The following NLGN1 variants were observed in gnomAD, a reference collection of about 807,000 sequenced individuals.
NLGN1 encodes the protein neuroligin 1.
In NLGN1, 12 loss-of-function variants were observed where a neutral mutation model predicts 65.5. The ratio of observed to expected loss-of-function variants is 0.18; its 90% CI spans 0.12 to 0.30. The LOEUF (loss-of-function observed/expected upper bound fraction) is 0.30. Ranked by LOEUF, NLGN1 falls within the 10% of genes least tolerant of loss-of-function variation. The pLI is 1.00. For missense variants in NLGN1, 750 were observed against 1,007.1 expected, an observed-to-expected ratio of 0.74 and a Z score of 3.46; for synonymous variants, 350 against 359.5, an observed-to-expected ratio of 0.97 and a Z score of 0.30.
intron 4 of NLGN1, among the ~76,000 whole-genome samples, chr3:173,906,818 C>G (rs1738488690): frequency 6.8e-6 from 1 of 147,662 alleles, no homozygotes; most frequent in African/African-American, 2.5e-5. Context: ...CTATGATTAG[C>G]TACTGCACTC....
chr3:174,039,403 C>T (rs1731807743), intron 4 of NLGN1, among the ~76,000 whole-genome samples: 1 of 151,960 alleles, frequency 6.6e-6, no homozygotes, highest in Non-Finnish European at 1.5e-5. Context: ...AGGTGTTTGT[C>T]CTAATGCTCT....
At chr3:174,135,317 G>C (rs1721005281) in intron 4 of NLGN1, among the ~76,000 whole-genome samples, 1 of 152,132 alleles carries the variant, frequency 6.6e-6, no homozygotes, top group Admixed American at 6.6e-5. Flanking sequence ...TAGTTAGCTA[G>C]AACATACGAT....
intron 4 of NLGN1, among the ~76,000 whole-genome samples, chr3:174,091,826 G>T (rs1276950390): frequency 1.3e-5 from 2 of 152,090 alleles, no homozygotes; most frequent in Non-Finnish European, 2.9e-5. Flanking sequence ...TGGCTCCGCT[G>T]CCTCTTCCTG....
At chr3:173,839,507 C>A (rs974614899) in intron 4 of NLGN1, among the ~76,000 whole-genome samples, 1 of 151,804 alleles carries the variant, frequency 6.6e-6, no homozygotes, top group Non-Finnish European at 1.5e-5. Context: ...ACTGCAACCT[C>A]TGCCTCCCGG....
At chr3:174,267,246 C>A (rs980546103) in intron 4 of NLGN1, among the ~76,000 whole-genome samples, 1 of 152,186 alleles carries the variant, frequency 6.6e-6, no homozygotes, top group South Asian at 2.1e-4. Context: ...ACAGCAGCAT[C>A]TACTTCTGGT....
chr3:173,415,904 T>TATATATAG (rs1380777305), intron 1 of NLGN1, among the ~76,000 whole-genome samples: 39 of 125,452 alleles, frequency 3.1e-4, no homozygotes, highest in African/African-American at 1.2e-3. Context: ...TATATATATA[T>TATATATAG]AGAGAGAGAG....
intron 4 of NLGN1, among the ~76,000 whole-genome samples, chr3:174,207,200 T>G (rs1444319854): frequency 1.9e-5 from 1 of 52,234 alleles, no homozygotes. Context: ...AGCTCATTCA[T>G]GAAAAAAAAA....
At chr3:174,182,719 A>G (rs532947974) in intron 4 of NLGN1, among the ~76,000 whole-genome samples, 2 of 152,156 alleles carry the variant, frequency 1.3e-5, no homozygotes, top group South Asian at 2.1e-4. Flanking sequence ...AAATGATACA[A>G]TGGAAAACTC....
At chr3:173,567,468 A>C (rs1295307985) in intron 2 of NLGN1, among the ~76,000 whole-genome samples, 1 of 151,972 alleles carries the variant, frequency 6.6e-6, no homozygotes, top group Non-Finnish European at 1.5e-5. Flanking sequence ...ACACTCATTC[A>C]AAAAATAACG....
In NLGN1 at chr3:173,541,728, G is replaced by A. The variant is rs564145471; in HGVS notation, c.-320-62551G>A. On this transcript the variant is annotated intron_variant, in intron 2 of 6. Transcript: ENST00000457714. ...TTTACATAGAAATTATTTTTGTAGT[G>A]CATTACTTCAAAAGTTTTGTCTTAT... Among the ~76,000 whole-genome samples, 13 of 152,190 alleles carry A rather than the reference G, an allele frequency of 8.5e-5. No homozygotes were observed. In the South Asian group the frequency reaches 2.7e-3, roughly 32 times the overall value.
chr3:173,569,475 GC>G (rs1290310309), intron 2 of NLGN1, among the ~76,000 whole-genome samples: 8 of 151,530 alleles, frequency 5.3e-5, no homozygotes, highest in Non-Finnish European at 1.2e-4. Context: ...TTCGGAGAAG[GC>G]TATTTTTATT....
At chr3:173,459,843 C>T (rs1723081521) in intron 2 of NLGN1, among the ~76,000 whole-genome samples, 1 of 151,840 alleles carries the variant, frequency 6.6e-6, no homozygotes, top group Non-Finnish European at 1.5e-5. Context: ...GTATCAAATA[C>T]ATATTTTTAA....
chr3:174,013,506 C>G (rs777348113), intron 4 of NLGN1, among the ~76,000 whole-genome samples: 22 of 152,136 alleles, frequency 1.4e-4, no homozygotes, highest in Non-Finnish European at 3.1e-4. Flanking sequence ...TTGGAAGGAT[C>G]AAATTCAATA....
intron 4 of NLGN1, among the ~76,000 whole-genome samples, chr3:173,901,200 A>G (rs1000820424): frequency 6.6e-6 from 1 of 152,038 alleles, no homozygotes; most frequent in Non-Finnish European, 1.5e-5. Flanking sequence ...ATAATGCATT[A>G]GGAGTTCACA....
At chr3:174,059,427 G>A (rs766273695) in intron 4 of NLGN1, among the ~76,000 whole-genome samples, 1 of 152,072 alleles carries the variant, frequency 6.6e-6, no homozygotes, top group Non-Finnish European at 1.5e-5. Flanking sequence ...ATAAATGAAA[G>A]GTTTTGGGTG....
intron 4 of NLGN1, among the ~76,000 whole-genome samples, chr3:173,886,818 A>G (rs1028897353): frequency 6.6e-6 from 1 of 152,034 alleles, no homozygotes; most frequent in Non-Finnish European, 1.5e-5. Flanking sequence ...GCTGAAACCA[A>G]TAAAAATAAC....
At chr3:173,927,215 C>T (rs1455104802) in intron 4 of NLGN1, among the ~76,000 whole-genome samples, 2 of 152,114 alleles carry the variant, frequency 1.3e-5, no homozygotes, top group African/African-American at 4.8e-5. Flanking sequence ...AGGTGCATGT[C>T]TCCACGCCTG....
At chr3:173,867,509 A>G (rs1730389780) in intron 4 of NLGN1, among the ~76,000 whole-genome samples, 1 of 152,122 alleles carries the variant, frequency 6.6e-6, no homozygotes. Flanking sequence ...TTCTTTTTCA[A>G]ATATAAAGAA....
Position 174,215,744 on chromosome 3 carries a change from A to G in NLGN1, c.647-59571A>G, listed in dbSNP as rs75897325. 2.4e-3 allele frequency among the ~76,000 whole-genome samples: 365 copies of G among 152,300 alleles called. 1 individual carries two copies. The highest frequency in any genetic ancestry group is 8.5e-3 in the African/African-American group (355 of 41,570). ...ACATCACAGCAAATGTAGGTCGCAG[A>G]AAACTGTGGAAATCTAACAGAAGGG... is the stretch of plus-strand genomic sequence containing the variant. On this transcript the variant is annotated intron_variant, in intron 4 of 6. Coordinates refer to ENST00000457714, the Ensembl canonical transcript of NLGN1.
Sources: gnomAD v4.1 joint callset for allele counts (sites outside exome capture counted in the v4.1 genomes callset) on GRCh38, gnomAD v4.1.1 for gene constraint, MANE v1.5 for transcripts, NCBI Gene and HGNC (gene_info 2026-07-23, HGNC 2026-07-21) for gene names.